XKR4: variants seen among roughly 807,000 people sequenced by gnomAD.
XKR4 encodes XK-related protein 4.
A neutral mutation model predicts 53.9 loss-of-function variants in XKR4; 12 were observed. That is an observed-to-expected ratio of 0.22 (90% CI 0.14 to 0.36). XKR4 has a LOEUF of 0.36. Among genes scored for constraint, XKR4 ranks in the 10% least tolerant of loss-of-function variants. The pLI, the probability that XKR4 is intolerant of heterozygous loss-of-function variation, is 1.00. For synonymous variants in XKR4, 354 were observed against 362.4 expected (o/e 0.98, Z 0.26); for missense variants, 799 against 859.5 (o/e 0.93, Z 0.88).
chr8:55,131,662 TA>T (rs1816556203), intron 1 of XKR4, among the ~76,000 whole-genome samples: 2 of 152,194 alleles, frequency 1.3e-5, no homozygotes, highest in African/African-American at 4.8e-5. Context: ...AAGGCCTTTG[TA>T]AAAGATATCC....
At chr8:55,400,345 G>GA (rs1452592754) in intron 2 of XKR4, among the ~76,000 whole-genome samples, 4 of 152,154 alleles carry the variant, frequency 2.6e-5, no homozygotes, top group African/African-American at 9.7e-5. Flanking sequence ...GAGAAATGCT[G>GA]AAAAATGTCT....
chr8:55,383,507 T>C (rs982806019), intron 2 of XKR4, among the ~76,000 whole-genome samples: 2 of 152,256 alleles, frequency 1.3e-5, no homozygotes, highest in Non-Finnish European at 2.9e-5. Flanking sequence ...TCTGATTATG[T>C]AGAAGAGCAG....
At chr8:55,421,224 A>G (rs113083051) in intron 2 of XKR4, among the ~76,000 whole-genome samples, 2 of 152,338 alleles carry the variant, frequency 1.3e-5, no homozygotes, top group African/African-American at 4.8e-5. Context: ...TCTCACAATA[A>G]CTTTTTAAAG....
intron 2 of XKR4, chr8:55,450,276 C>A: frequency 1.4e-6 from 1 of 703,304 alleles, no homozygotes; most frequent in East Asian, 2.9e-5. Flanking sequence ...TTCCCCGAGC[C>A]AGTTCCCAGT....
intron 2 of XKR4, among the ~76,000 whole-genome samples, chr8:55,445,616 C>G (rs979141824): frequency 1.3e-5 from 2 of 151,948 alleles, no homozygotes; most frequent in African/African-American, 4.8e-5. Context: ...AGACCATGAA[C>G]AGATAAAAGT....
At chr8:55,196,946 C>T (rs1420338904) in intron 1 of XKR4, among the ~76,000 whole-genome samples, 2 of 152,220 alleles carry the variant, frequency 1.3e-5, no homozygotes, top group South Asian at 2.1e-4. Context: ...CAGAGGACTT[C>T]CGGCTCCTTC....
In XKR4 at chr8:55,495,112, G is replaced by A. The variant is rs1215413340; in HGVS notation, c.1007-28169G>A. Among the ~76,000 whole-genome samples the A allele has an allele frequency of 2.0e-5, 3 of 152,200 alleles. No homozygotes were observed. In the East Asian group the frequency reaches 5.8e-4, roughly 29 times the overall value. ...CCAGAGCGGGCTGAGGTAGCAGGGA[G>A]CTGGCATGTCAGTGCTGCCTCGAGC... On this transcript the variant is annotated intron_variant, in intron 2 of 2. Transcript: ENST00000327381.
At chr8:55,182,468 T>C (rs1441537333) in intron 1 of XKR4, among the ~76,000 whole-genome samples, 1 of 152,204 alleles carries the variant, frequency 6.6e-6, no homozygotes, top group Non-Finnish European at 1.5e-5. Flanking sequence ...TCTTTATTGT[T>C]AGTGTTTGTA....
At chr8:55,420,805 A>G (rs1438038590) in intron 2 of XKR4, among the ~76,000 whole-genome samples, 1 of 150,916 alleles carries the variant, frequency 6.6e-6, no homozygotes, top group Non-Finnish European at 1.5e-5. Flanking sequence ...TAGATAAATA[A>G]ATAAATAAAT....
At chr8:55,257,100 A>G (rs533496660) in intron 1 of XKR4, among the ~76,000 whole-genome samples, 7 of 152,302 alleles carry the variant, frequency 4.6e-5, no homozygotes, top group African/African-American at 1.7e-4. Context: ...ATTGCGTATT[A>G]GGTTCCAACA....
intron 1 of XKR4, among the ~76,000 whole-genome samples, chr8:55,325,155 A>G (rs1231933970): frequency 6.6e-6 from 1 of 152,202 alleles, no homozygotes; most frequent in African/African-American, 2.4e-5. Flanking sequence ...ATAAAAACCT[A>G]GTTAAAGGGT....
chr8:55,390,175 A>G (rs374319194), intron 2 of XKR4, among the ~76,000 whole-genome samples: 1 of 152,366 alleles, frequency 6.6e-6, no homozygotes, highest in East Asian at 1.9e-4. Context: ...ATTTAAAAAC[A>G]AAAAGAAAAT....
chr8:55,300,031 G>C (rs754332023), intron 1 of XKR4, among the ~76,000 whole-genome samples: 1 of 152,200 alleles, frequency 6.6e-6, no homozygotes, highest in East Asian at 1.9e-4. Context: ...CTGTCTGGAG[G>C]TGTCAAAGCC....
At chr8:55,341,818 C>T (rs1375592247) in intron 1 of XKR4, among the ~76,000 whole-genome samples, 1 of 151,924 alleles carries the variant, frequency 6.6e-6, no homozygotes, top group Non-Finnish European at 1.5e-5. Flanking sequence ...CCTGGGGCCG[C>T]CTGATGTATT....
At chr8:55,428,552 G>A (rs1018934757) in intron 2 of XKR4, among the ~76,000 whole-genome samples, 2 of 152,178 alleles carry the variant, frequency 1.3e-5, no homozygotes, top group Admixed American at 6.5e-5. Context: ...ATCCCAAACC[G>A]CACCGGAGTG....
At chr8:55,398,268 G>A (rs1037619799) in intron 2 of XKR4, among the ~76,000 whole-genome samples, 5 of 152,140 alleles carry the variant, frequency 3.3e-5, no homozygotes, top group Non-Finnish European at 7.4e-5. Context: ...AGAGGGAGGT[G>A]AGGAGGACTG....
rs535266421 is a variant in XKR4, at chr8:55,192,896, G to A, written c.806+89602G>A. Among the ~76,000 whole-genome samples the A allele has an allele frequency of 2.6e-5, 4 of 152,266 alleles. No individual in the cohort carries two copies. In the South Asian group the frequency reaches 6.2e-4, roughly 24 times the overall value. The stretch of plus-strand genomic sequence containing the variant: ...CTGTGGGGGCTTTCCATCCCCGTGT[G>A]GGAGTGGGAACTCCACTGAGTGAGG... On this transcript the variant is annotated intron_variant, in intron 1 of 2. Transcript: ENST00000327381.
At chr8:55,417,942 G>T (rs1804873096) in intron 2 of XKR4, among the ~76,000 whole-genome samples, 1 of 152,114 alleles carries the variant, frequency 6.6e-6, no homozygotes, top group Non-Finnish European at 1.5e-5. Context: ...TATTTTGGGA[G>T]CCCACAGAAG....
chr8:55,108,283 T>A (rs1425768634), intron 1 of XKR4, among the ~76,000 whole-genome samples: 1 of 152,048 alleles, frequency 6.6e-6, no homozygotes. Flanking sequence ...GATGAAGAAC[T>A]AGTTGGGCCA....
Sources: allele counts gnomAD v4.1 joint callset (sites outside exome capture counted in the v4.1 genomes callset), GRCh38; gene constraint gnomAD v4.1.1; transcripts MANE v1.5; gene names NCBI Gene and HGNC (gene_info 2026-07-23, HGNC 2026-07-21).